PCDHGA1: variants seen among roughly 807,000 people sequenced by gnomAD.
The protein encoded by PCDHGA1 is protocadherin gamma-A1.
A neutral mutation model predicts 58.0 loss-of-function variants in PCDHGA1; 32 were observed. That is an observed-to-expected ratio of 0.55 (90% CI 0.42 to 0.74). The LOEUF (loss-of-function observed/expected upper bound fraction) is 0.74, where lower values mean the gene tolerates loss of function less well. PCDHGA1 is among the 30% of genes least tolerant of loss of function. PCDHGA1 has a pLI of 0.00. For synonymous variants in PCDHGA1, 498 were observed against 501.1 expected (o/e 0.99, Z 0.08); for missense variants, 1,205 against 1,182.3 (o/e 1.02, Z -0.28).
chr5:141,374,357 CGCGAGGAGCTCTGT>C (rs1770415063), intron 1 of PCDHGA1: 2 of 1,613,900 alleles, frequency 1.2e-6, no homozygotes, highest in Non-Finnish European at 1.7e-6. Context: ...TAGGATAGAC[CGCGAGGAGCTCTGT>C]GCTCAGAGCC....
chr5:141,389,704 TG>T (rs1341184136), intron 1 of PCDHGA1: 5 of 1,612,632 alleles, frequency 3.1e-6, no homozygotes, highest in Admixed American at 3.3e-5. Context: ...TACCACGTGC[TG>T]CAGGCTAGCG....
chr5:141,469,370 A>T (rs1453825795), intron 1 of PCDHGA1, among the ~76,000 whole-genome samples: 1 of 152,106 alleles, frequency 6.6e-6, no homozygotes, highest in Non-Finnish European at 1.5e-5. Flanking sequence ...AGGTAAAGAG[A>T]TCGAGACCAT....
intron 1 of PCDHGA1, chr5:141,399,805 T>G (rs776266997): frequency 6.2e-7 from 1 of 1,613,192 alleles, no homozygotes; most frequent in Admixed American, 1.7e-5. Context: ...GCGGGTGCTG[T>G]ACCCCGCGCT....
At chr5:141,382,945 C>T (rs1357779050) in intron 1 of PCDHGA1, 1 of 1,597,008 alleles carries the variant, frequency 6.3e-7, no homozygotes, top group Admixed American at 1.7e-5. Context: ...ATTCTTCCTG[C>T]TCTCCATCCT....
At chr5:141,366,182 G>T (rs1449596963) in intron 1 of PCDHGA1, 4 of 1,613,888 alleles carry the variant, frequency 2.5e-6, no homozygotes, top group African/African-American at 1.3e-5. Flanking sequence ...AGGACTCTTT[G>T]CGGTTGGGCT....
intron 1 of PCDHGA1, chr5:141,394,024 T>C (rs778553318): frequency 6.2e-7 from 1 of 1,613,530 alleles, no homozygotes; most frequent in Non-Finnish European, 8.5e-7. Flanking sequence ...TATTATAGAT[T>C]AGTGACAAGG....
chr5:141,383,562 C>T (rs1371686723), intron 1 of PCDHGA1: 2 of 1,613,098 alleles, frequency 1.2e-6, no homozygotes, highest in Non-Finnish European at 1.7e-6. Context: ...GCGACCCGCC[C>T]CGATCCAGCA....
In PCDHGA1 at chr5:141,356,585, C is replaced by G. The variant is rs11575950; in HGVS notation, c.2421+23480C>G. 2,136 of 1,614,174 alleles carry G rather than the reference C, an allele frequency of 1.3e-3. 34 individuals carry two copies. Among genetic ancestry groups the G allele is most frequent in the South Asian group, 0.013 (1,179 of 91,086 alleles). On this transcript the variant is annotated intron_variant, in intron 1 of 3. Coordinates refer to ENST00000517417, the MANE Select transcript of PCDHGA1 (RefSeq NM_018912.3). ...CATGCTTCCTACTCTGCTTACATTCCTGAAAACAACCCCAGAGGAGCCTCC... is the reference window on the plus strand; with the variant it reads ...CATGCTTCCTACTCTGCTTACATTCGTGAAAACAACCCCAGAGGAGCCTCC...
rs1226463441 is a variant in PCDHGA1, at chr5:141,432,906, T to A, written c.2422-61901T>A. 6.2e-7 allele frequency: 1 copy of A among 1,614,176 alleles called. No individual in the cohort carries two copies. The highest frequency in any genetic ancestry group is 8.5e-7 in the Non-Finnish European group (1 of 1,180,002). ...GTCATCTTGCTGCTGGCGCTCAGGC[T>A]GCGGCGCTGGCACAAGTCACGCCTG... On this transcript the variant is annotated intron_variant, in intron 1 of 3. Coordinates refer to ENST00000517417, the MANE Select transcript of PCDHGA1 (RefSeq NM_018912.3). The surrounding 1 kb of genome is among the most constrained non-coding windows in gnomAD (Gnocchi z 6.0).
rs755626661 is a variant in PCDHGA1 at position 141,340,380 on chromosome 5, C to T, written c.2421+7275C>T. The stretch of plus-strand genomic sequence containing the variant: ...CCCGAAAACAACCCCAGAGGAGCCT[C>T]TGTCTTCTCAGTGACGGCCCATGAC... On this transcript the variant is annotated intron_variant, in intron 1 of 3. Coordinates refer to ENST00000517417, the MANE Select transcript of PCDHGA1 (RefSeq NM_018912.3). 4.0e-5 allele frequency: 64 copies of T among 1,614,078 alleles called. 1 individual carries two copies. Among genetic ancestry groups the T allele is most frequent in the South Asian group, 1.1e-5 (1 of 91,086 alleles).
chr5:141,345,713 C>G (rs762169272), intron 1 of PCDHGA1: 2 of 1,614,238 alleles, frequency 1.2e-6, no homozygotes, highest in African/African-American at 1.3e-5. Context: ...ACAACGCGCC[C>G]GAGATCCTGT....
intron 1 of PCDHGA1, among the ~76,000 whole-genome samples, chr5:141,349,530 T>C (rs1758312666): frequency 6.6e-6 from 1 of 152,234 alleles, no homozygotes; most frequent in Non-Finnish European, 1.5e-5. Flanking sequence ...AAAGATTATC[T>C]ATATTTTATA....
intron 1 of PCDHGA1, among the ~76,000 whole-genome samples, chr5:141,458,380 G>T (rs1592559992): frequency 6.6e-6 from 1 of 152,136 alleles, no homozygotes; most frequent in African/African-American, 2.4e-5. Flanking sequence ...AAGAGAGAAG[G>T]AAGACGCTCC....
chr5:141,384,321 G>A (rs6883770), intron 1 of PCDHGA1: 89,474 of 1,613,740 alleles, frequency 0.055, 2,962 homozygotes, highest in African/African-American at 0.14. Flanking sequence ...TTTTCTTAGT[G>A]ACTGCACAGG....
Position 141,476,441 on chromosome 5 carries a change from GAGTTGGT to G in PCDHGA1, c.2422-18362_2422-18356del. 3 of 1,614,160 alleles carry G rather than the reference GAGTTGGT, an allele frequency of 1.9e-6. No homozygotes were observed. The South Asian group carries it at 3.3e-5, about 18-fold the overall frequency. ...ACTGCCCTCTTGCACTGTAACTCTG[GAGTTGGT>G]AGTGGAGAACCCGCTGGAGCTGTTC... On this transcript the variant is annotated intron_variant, in intron 1 of 3. Transcript: ENST00000517417. The surrounding 1 kb of genome is among the most constrained non-coding windows in gnomAD (Gnocchi z 7.6).
intron 1 of PCDHGA1, among the ~76,000 whole-genome samples, chr5:141,456,537 G>A (rs1411788378): frequency 1.3e-5 from 2 of 152,178 alleles, no homozygotes; most frequent in African/African-American, 4.8e-5. Flanking sequence ...ATTAAAGAGG[G>A]ATTGTAGCCA....
chr5:141,490,910 A>G lies in PCDHGA1; in HGVS notation c.2422-3897A>G. The G allele has an allele frequency of 1.2e-6, 2 of 1,613,652 alleles. No individual in the cohort carries two copies. Among genetic ancestry groups the G allele is most frequent in the African/African-American group, 1.3e-5 (1 of 75,048 alleles). ...TCTCTGCATGTGTTTGTCCTAGACG[A>G]GAATGATAATGCCCCAGCTGTGCTG... On this transcript the variant is annotated intron_variant, in intron 1 of 3. Transcript: ENST00000517417. This position sits in a 1 kb window ranked among gnomAD's most constrained non-coding sequence, Gnocchi z 5.4.
At chr5:141,381,512 A>T (rs1777240689) in intron 1 of PCDHGA1, among the ~76,000 whole-genome samples, 1 of 152,218 alleles carries the variant, frequency 6.6e-6, no homozygotes, top group Non-Finnish European at 1.5e-5. Context: ...ATAGAGTAGG[A>T]TGAAGATTTG....
chr5:141,418,007 C>G (rs1561770675), intron 1 of PCDHGA1: 1 of 1,613,904 alleles, frequency 6.2e-7, no homozygotes, highest in Non-Finnish European at 8.5e-7. Flanking sequence ...GGTGGGGAAC[C>G]TCGCTAAGGA....
Sources: gnomAD v4.1 joint callset for allele counts (sites outside exome capture counted in the v4.1 genomes callset) on GRCh38, gnomAD v4.1.1 for gene constraint, Gnocchi (gnomAD v3.1) non-coding constraint, MANE v1.5 for transcripts, NCBI Gene and HGNC (gene_info 2026-07-23, HGNC 2026-07-21) for gene names.